The following GALNT17 variants were observed in gnomAD, a reference collection of about 807,000 sequenced individuals.
GALNT17 encodes UDP-GalNAc:polypeptide N-acetylgalactosaminyltransferase-like 3.
Under a neutral mutation model 63.7 loss-of-function variants are expected in GALNT17, and 29 were observed. The observed-to-expected ratio is 0.46, with a 90% CI of 0.34 to 0.62. The LOEUF is 0.62. GALNT17 is among the 20% of genes least tolerant of loss of function. GALNT17 has a pLI of 0.01. For synonymous variants in GALNT17, 305 were observed against 318.3 expected, an observed-to-expected ratio of 0.96 and a Z score of 0.45; for missense variants, 603 against 799.6, an observed-to-expected ratio of 0.75 and a Z score of 2.97.
chr7:71,135,898 G>A (rs1787775575), intron 1 of GALNT17, among the ~76,000 whole-genome samples: 1 of 152,190 alleles, frequency 6.6e-6, no homozygotes, highest in Non-Finnish European at 1.5e-5. Context: ...GGAAGGCTGA[G>A]TTTTCCTGAC....
chr7:71,265,133 T>A lies in GALNT17; in HGVS notation c.239-70417T>A, dbSNP rs1213558028. On this transcript the variant is annotated intron_variant, in intron 1 of 10. Transcript: ENST00000333538. ...ATATATATATATTTTTTTTTTTTTT[T>A]TTTTTTTTTTTGAGATGGAGTCTCT... Among the ~76,000 whole-genome samples the A allele has an allele frequency of 2.2e-4, 17 of 76,370 alleles. 1 individual carries two copies. The highest frequency in any genetic ancestry group is 6.4e-3 in the Middle Eastern group (1 of 156). 50.1% of individuals were successfully genotyped at this position (76,370 alleles called of 152,430 possible).
At chr7:71,427,008 A>T (rs1390245197) in intron 5 of GALNT17, among the ~76,000 whole-genome samples, 3 of 152,108 alleles carry the variant, frequency 2.0e-5, no homozygotes, top group Non-Finnish European at 4.4e-5. Context: ...TAATAATGAT[A>T]ATATACCAAT....
At chr7:71,700,183 C>T (rs1053214279) in intron 9 of GALNT17, among the ~76,000 whole-genome samples, 2 of 151,950 alleles carry the variant, frequency 1.3e-5, no homozygotes, top group Non-Finnish European at 2.9e-5. Context: ...TGATGCACAC[C>T]TGTAGTCCCA....
intron 9 of GALNT17, among the ~76,000 whole-genome samples, chr7:71,679,029 C>T (rs568792602): frequency 3.3e-5 from 5 of 151,748 alleles, no homozygotes; most frequent in Admixed American, 2.0e-4. Flanking sequence ...TCACCATCTA[C>T]GATTGGTGAA....
chr7:71,366,990 C>G (rs2116255971), intron 2 of GALNT17, among the ~76,000 whole-genome samples: 1 of 152,302 alleles, frequency 6.6e-6, no homozygotes. Flanking sequence ...GTTCATATCA[C>G]TCACTCGGAC....
chr7:71,509,730 AG>A (rs1206421378), intron 5 of GALNT17, among the ~76,000 whole-genome samples: 1 of 152,108 alleles, frequency 6.6e-6, no homozygotes. Flanking sequence ...TGTCAGGGGA[AG>A]GGAGGCAGGA....
intron 1 of GALNT17, among the ~76,000 whole-genome samples, chr7:71,323,909 A>T (rs751161745): frequency 6.6e-6 from 1 of 152,188 alleles, no homozygotes; most frequent in Non-Finnish European, 1.5e-5. Flanking sequence ...GGGCACATAG[A>T]CTATGATATC....
rs71089953 is a variant in GALNT17 at position 71,539,707 on chromosome 7, C to CTTTTTTTTTT, written c.963-31562_963-31553dup. ...ATCTATTTCAGGAGTTTAGTCCCAC[C>CTTTTTTTTTT]TTTTTTTTTTTTTTTTTTTTTTTTT... On this transcript the variant is annotated intron_variant, in intron 5 of 10. Coordinates refer to ENST00000333538, the MANE Select transcript of GALNT17 (RefSeq NM_022479.3). Among the ~76,000 whole-genome samples the CTTTTTTTTTT allele has an allele frequency of 4.6e-4, 33 of 71,438 alleles. 2 individuals are homozygous for CTTTTTTTTTT. Among genetic ancestry groups the CTTTTTTTTTT allele is most frequent in the African/African-American group, 1.4e-3 (24 of 17,388 alleles). 46.9% of individuals were successfully genotyped at this position (71,438 alleles called of 152,430 possible).
chr7:71,657,640 C>A (rs1233208324), intron 6 of GALNT17, among the ~76,000 whole-genome samples: 3 of 152,174 alleles, frequency 2.0e-5, no homozygotes, highest in Non-Finnish European at 4.4e-5. Context: ...TGCTTAAATT[C>A]TTTCAGCTTC....
intron 1 of GALNT17, among the ~76,000 whole-genome samples, chr7:71,139,793 G>T (rs891222137): frequency 1.3e-5 from 2 of 152,118 alleles, no homozygotes; most frequent in South Asian, 4.1e-4. Context: ...AGGAGTTCCA[G>T]ACCAGCCTGG....
intron 1 of GALNT17, among the ~76,000 whole-genome samples, chr7:71,301,712 TAA>T (rs2115883186): frequency 6.6e-6 from 1 of 151,504 alleles, no homozygotes; most frequent in East Asian, 2.0e-4. Context: ...AAAAATTTGT[TAA>T]GAGGATAGAT....
At chr7:71,616,573 G>T (rs1790206891) in intron 6 of GALNT17, among the ~76,000 whole-genome samples, 1 of 144,500 alleles carries the variant, frequency 6.9e-6, no homozygotes, top group Non-Finnish European at 1.5e-5. Flanking sequence ...TATATAATCT[G>T]ATATTCTGGA....
chr7:71,538,532 A>G (rs1454973820), intron 5 of GALNT17, among the ~76,000 whole-genome samples: 2 of 152,186 alleles, frequency 1.3e-5, no homozygotes, highest in Non-Finnish European at 2.9e-5. Context: ...TTGATTTAAA[A>G]GCTTTTAAAC....
intron 5 of GALNT17, among the ~76,000 whole-genome samples, chr7:71,471,404 A>C (rs919723435): frequency 2.9e-4 from 44 of 149,544 alleles, no homozygotes; most frequent in African/African-American, 1.0e-3. Context: ...TTTTCCAAAA[A>C]AAAAAAAAAA....
chr7:71,612,442 C>T (rs1233575709), intron 6 of GALNT17, among the ~76,000 whole-genome samples: 4 of 152,206 alleles, frequency 2.6e-5, no homozygotes, highest in African/African-American at 4.8e-5. Flanking sequence ...CCACGCTCTT[C>T]GTGCATTGGG....
intron 1 of GALNT17, among the ~76,000 whole-genome samples, chr7:71,191,731 G>T (rs1309493150): frequency 1.3e-5 from 2 of 152,156 alleles, no homozygotes; most frequent in Admixed American, 1.3e-4. Flanking sequence ...AAGAGCAACT[G>T]TGTCTGCTTT....
intron 6 of GALNT17, among the ~76,000 whole-genome samples, chr7:71,588,958 A>G (rs1487939052): frequency 6.6e-6 from 1 of 152,182 alleles, no homozygotes; most frequent in Non-Finnish European, 1.5e-5. Context: ...AAACTGAGCC[A>G]GAGAGGACAC....
chr7:71,193,707 GT>G (rs137915494), intron 1 of GALNT17, among the ~76,000 whole-genome samples: 1,991 of 152,026 alleles, frequency 0.013, 36 homozygotes, highest in African/African-American at 0.046. Context: ...CTGTGATTCT[GT>G]TTGTGTTTGG....
chr7:71,613,563 G>C lies in GALNT17; in HGVS notation c.1080+42161G>C, dbSNP rs139254995. Among the ~76,000 whole-genome samples, 859 of 152,280 alleles carry C rather than the reference G, an allele frequency of 5.6e-3. 5 individuals carry two copies. Among genetic ancestry groups the C allele is most frequent in the African/African-American group, 0.02 (832 of 41,550 alleles). ...GAGGACCAATGAGCATAGAGAGCTT[G>C]GAGGGACTTTCCAGTTCATTGCATT... is the stretch of plus-strand genomic sequence containing the variant. On this transcript the variant is annotated intron_variant, in intron 6 of 10. Transcript: ENST00000333538.
Sources: gnomAD v4.1 joint callset for allele counts (sites outside exome capture counted in the v4.1 genomes callset) on GRCh38, gnomAD v4.1.1 for gene constraint, MANE v1.5 for transcripts, NCBI Gene and HGNC (gene_info 2026-07-23, HGNC 2026-07-21) for gene names.